Variants in KRT8 observed in about 807,000 individuals in gnomAD.
The protein encoded by KRT8 is keratin 8, also known as keratin, type II cytoskeletal 8.
A neutral mutation model predicts 43.0 loss-of-function variants in KRT8; 24 were observed. The observed-to-expected ratio is 0.56, with a 90% CI of 0.40 to 0.78. The LOEUF (loss-of-function observed/expected upper bound fraction) is 0.78, where lower values mean the gene tolerates loss of function less well. Among genes scored for constraint, KRT8 ranks in the 30% least tolerant of loss-of-function variants. KRT8 has a pLI of 0.00. For synonymous variants in KRT8, 214 were observed against 261.2 expected (o/e 0.82, Z 1.74); for missense variants, 492 against 638.4 (o/e 0.77, Z 2.47).
chr12:52,936,108 C>T (rs767965341), intron 2 of KRT8, among the ~76,000 whole-genome samples: 5 of 151,716 alleles, frequency 3.3e-5, no homozygotes, highest in East Asian at 3.9e-4. Context: ...AAAAATTAGC[C>T]GGGCATGGTG....
At chr12:52,945,744 T>C (rs751425848) in intron 2 of KRT8, among the ~76,000 whole-genome samples, 1 of 152,060 alleles carries the variant, frequency 6.6e-6, no homozygotes, top group Non-Finnish European at 1.5e-5. Context: ...CCATTTCCCC[T>C]CTTTCCGGAT....
chr12:52,947,985 A>G (rs970305707), intron 2 of KRT8: 1 of 151,930 alleles, frequency 6.6e-6, no homozygotes, highest in Non-Finnish European at 1.5e-5. Context: ...AATGCTCAGG[A>G]TTTGTTTAAT....
rs575106757 is a variant in KRT8, at chr12:52,940,839, G to T, written c.-47+8617C>A. On this transcript the variant is annotated intron_variant, in intron 2 of 6. Transcript: ENST00000546826. ...GATGGGGTTTCACCATCTTGGCCAGGTTGGTCTTGAACTTCTGAACTCGTG... is the reference window on the plus strand; with the variant it reads ...GATGGGGTTTCACCATCTTGGCCAGTTTGGTCTTGAACTTCTGAACTCGTG... Among the ~76,000 whole-genome samples, 343 of 151,934 alleles carry T rather than the reference G, an allele frequency of 2.3e-3. 4 individuals are homozygous for T. Among genetic ancestry groups the T allele is most frequent in the Non-Finnish European group, 2.5e-3 (169 of 67,994 alleles).
At chr12:52,910,672 C>G (rs1195877499), upstream of KRT8, among the ~76,000 whole-genome samples, 1 of 152,186 alleles carries the variant, frequency 6.6e-6, no homozygotes, top group Non-Finnish European at 1.5e-5. Flanking sequence ...ATAGGGGAAG[C>G]CCTCATGGTG....
chr12:52,900,441 G>A lies in KRT8; in HGVS notation c.690+147C>T, dbSNP rs115071257. ...CATATAGACCCAATAAATACTAGCC[G>A]AGCAAATATTGGTGGCTGTAATTAG... On this transcript the variant is annotated intron_variant, in intron 4 of 7. Coordinates refer to ENST00000692008, the Ensembl canonical transcript of KRT8. The A allele has an allele frequency of 1.8e-3, 1,274 of 705,906 alleles. 13 individuals are homozygous for A. In the African/African-American group the frequency reaches 0.02, roughly 11 times the overall value. 43.7% of individuals were successfully genotyped at this position (705,906 alleles called of 1,614,324 possible). A position where few individuals can be genotyped will look rare whatever the true frequency, so the allele number is the denominator to read the frequency against.
upstream of KRT8, among the ~76,000 whole-genome samples, chr12:52,908,852 A>G (rs560635670): frequency 7.2e-4 from 109 of 152,288 alleles, no homozygotes; most frequent in African/African-American, 2.5e-3. Context: ...CAAAAAATAC[A>G]AAAATTAGCC....
intron 2 of KRT8, among the ~76,000 whole-genome samples, chr12:52,931,657 CAT>C (rs34460731): frequency 6.5e-4 from 95 of 146,834 alleles, no homozygotes; most frequent in South Asian, 2.2e-3. Context: ...ATTGGCTCCC[CAT>C]ATATATATAT....
chr12:52,906,432 A>G (rs1356922646), upstream of KRT8: 1 of 306,146 alleles, frequency 3.3e-6, no homozygotes, highest in African/African-American at 2.2e-5. Context: ...CAGGCTCCCA[A>G]CGGGCCAGAG....
chr12:52,932,146 TGCA>T (rs1942095312), intron 2 of KRT8, among the ~76,000 whole-genome samples: 1 of 146,652 alleles, frequency 6.8e-6, no homozygotes, highest in African/African-American at 2.6e-5. Flanking sequence ...CAGGCTGGAG[TGCA>T]GTGGCACGAT....
At chr12:52,943,567 C>A (rs926854687) in intron 2 of KRT8, among the ~76,000 whole-genome samples, 3 of 152,244 alleles carry the variant, frequency 2.0e-5, no homozygotes, top group Non-Finnish European at 4.4e-5. Context: ...ACCTCACCCA[C>A]AACTGGGTTT....
chr12:52,929,461 TG>T (rs1486736867), intron 2 of KRT8, among the ~76,000 whole-genome samples: 1 of 152,212 alleles, frequency 6.6e-6, no homozygotes, highest in Non-Finnish European at 1.5e-5. Context: ...CCCAAAGTGC[TG>T]GGATTATAGG....
intron 2 of KRT8, chr12:52,948,774 G>A: frequency 2.4e-6 from 1 of 408,452 alleles, no homozygotes; most frequent in Non-Finnish European, 4.3e-6. Context: ...ACAGGCGTGA[G>A]CCACTGCGCC....
intron 2 of KRT8, among the ~76,000 whole-genome samples, chr12:52,919,488 A>G (rs957606412): frequency 2.0e-5 from 3 of 151,896 alleles, no homozygotes; most frequent in African/African-American, 7.3e-5. Flanking sequence ...GGCTGGTCCC[A>G]AACTGCTGGC....
rs541523606 is a variant in KRT8, at chr12:52,924,639, TTTGTAAAGATAA to T, written c.-46-19624_-46-19613del. ...TAAAATAAATTATATGATGATAATG[TTTGTAAAGATAA>T]TTGTAAAGATAATTGTAATTTGTAA... On this transcript the variant is annotated intron_variant, in intron 2 of 6. Transcript: ENST00000546826. Among the ~76,000 whole-genome samples the T allele has an allele frequency of 1.8e-3, 280 of 151,946 alleles. 1 individual carries two copies. The highest frequency in any genetic ancestry group is 6.3e-3 in the African/African-American group (260 of 41,468).
chr12:52,897,500 G>A (rs201195586), exon 8 of KRT8: 25 of 1,599,114 alleles, frequency 1.6e-5, no homozygotes, highest in East Asian at 2.2e-5. Flanking sequence ...TCACAACCAC[G>A]GCCCTGGAGG....
exon 4 of KRT8, chr12:52,900,588 C>T: frequency 1.9e-6 from 3 of 1,601,116 alleles, no homozygotes; most frequent in Non-Finnish European, 2.6e-6. Flanking sequence ...AGGAACATAC[C>T]TCTTCATATA....
At chr12:52,941,904 C>A (rs1336244122) in intron 2 of KRT8, among the ~76,000 whole-genome samples, 5 of 152,142 alleles carry the variant, frequency 3.3e-5, no homozygotes, top group Non-Finnish European at 7.3e-5. Context: ...AACCTTGTGG[C>A]TTTTCTGTGC....
chr12:52,918,683 G>C lies in KRT8; in HGVS notation c.-46-13656C>G, dbSNP rs1490600855. On this transcript the variant is annotated intron_variant, in intron 2 of 6. Coordinates refer to the KRT8 transcript ENST00000546826. ...AACAACTACCTCAGAAGACTGACAT[G>C]ATCATCAGGTAAGGAACAGTGCCTA... 2.0e-5 allele frequency among the ~76,000 whole-genome samples: 3 copies of C among 152,180 alleles called. No homozygotes were observed. The East Asian group carries it at 5.8e-4, about 29-fold the overall frequency.
At chr12:52,904,367 TGGGAACTAGGCTGTACCCTTAA>T (rs1941458149) in intron 1 of KRT8, among the ~76,000 whole-genome samples, 1 of 152,054 alleles carries the variant, frequency 6.6e-6, no homozygotes, top group Non-Finnish European at 1.5e-5. Flanking sequence ...AGAGGGGTGG[TGGGAACTAGGCTGTACCCTTAA>T]GTTGTCTCTC....
Sources: allele counts gnomAD v4.1 joint callset (sites outside exome capture counted in the v4.1 genomes callset), GRCh38; gene constraint gnomAD v4.1.1; transcripts MANE v1.5; gene names NCBI Gene and HGNC (gene_info 2026-07-23, HGNC 2026-07-21).